LDAH: variants seen among roughly 807,000 people sequenced by gnomAD.
The protein encoded by LDAH is lipid droplet associated hydrolase.
Under a neutral mutation model 29.6 loss-of-function variants are expected in LDAH, and 26 were observed. That is an observed-to-expected ratio of 0.88 (90% CI 0.64 to 1.22). LDAH has a LOEUF of 1.22. Among genes scored for constraint, LDAH ranks in the 50% most tolerant of loss-of-function variants. The pLI, the probability that LDAH is intolerant of heterozygous loss-of-function variation, is 0.00. For missense variants in LDAH, 344 were observed against 387.3 expected, an observed-to-expected ratio of 0.89 and a Z score of 0.94; for synonymous variants, 117 against 133.0, an observed-to-expected ratio of 0.88 and a Z score of 0.83.
intron 3 of LDAH, among the ~76,000 whole-genome samples, chr2:20,782,588 G>GT (rs1459717175): frequency 6.6e-6 from 1 of 152,118 alleles, no homozygotes; most frequent in Non-Finnish European, 1.5e-5. Flanking sequence ...TTGGGAGCTT[G>GT]TATCTTTCAA....
intron 4 of LDAH, among the ~76,000 whole-genome samples, chr2:20,761,570 G>C (rs1481215114): frequency 6.6e-6 from 1 of 152,170 alleles, no homozygotes; most frequent in Non-Finnish European, 1.5e-5. Flanking sequence ...CTTGTACCCA[G>C]AAGGACTTAA....
At chr2:20,819,567 A>G (rs1673099486) in intron 1 of LDAH, among the ~76,000 whole-genome samples, 1 of 152,262 alleles carries the variant, frequency 6.6e-6, no homozygotes, top group African/African-American at 2.4e-5. Flanking sequence ...AAGATTCAAC[A>G]GCTCTTCATG....
chr2:20,733,567 C>T (rs1666565625), intron 5 of LDAH, among the ~76,000 whole-genome samples: 1 of 151,908 alleles, frequency 6.6e-6, no homozygotes, highest in Non-Finnish European at 1.5e-5. Flanking sequence ...CCATGCCCAG[C>T]TAATTTTTGT....
intron 4 of LDAH, among the ~76,000 whole-genome samples, chr2:20,764,821 T>C (rs1336207580): frequency 6.6e-6 from 1 of 152,248 alleles, no homozygotes; most frequent in East Asian, 1.9e-4. Context: ...CCAGCTCTGC[T>C]ACTTTCTACT....
At chr2:20,786,338 C>T (rs1450887669) in intron 3 of LDAH, among the ~76,000 whole-genome samples, 1 of 152,026 alleles carries the variant, frequency 6.6e-6, no homozygotes, top group Non-Finnish European at 1.5e-5. Flanking sequence ...TACAGGCTTG[C>T]ACCACCATGC....
At chr2:20,762,677 T>TA (rs1301366107) in intron 4 of LDAH, among the ~76,000 whole-genome samples, 3 of 152,226 alleles carry the variant, frequency 2.0e-5, no homozygotes, top group Non-Finnish European at 4.4e-5. Context: ...CACTTTTTGA[T>TA]ATATTAGTTC....
intron 6 of LDAH, among the ~76,000 whole-genome samples, chr2:20,696,647 A>G (rs1254603079): frequency 1.3e-5 from 2 of 152,196 alleles, no homozygotes; most frequent in Non-Finnish European, 2.9e-5. Context: ...TCAAGTTTAT[A>G]AACCAAACAT....
intron 1 of LDAH, among the ~76,000 whole-genome samples, chr2:20,802,081 T>C (rs1029773037): frequency 1.3e-5 from 2 of 151,762 alleles, no homozygotes; most frequent in African/African-American, 2.4e-5. Context: ...CATGTATATA[T>C]ATATACATAT....
At chr2:20,767,227 C>G (rs1669103042) in intron 4 of LDAH, among the ~76,000 whole-genome samples, 1 of 152,226 alleles carries the variant, frequency 6.6e-6, no homozygotes, top group African/African-American at 2.4e-5. Context: ...GAGCCAGAAA[C>G]AGGCAGCAGC....
At chr2:20,702,377 T>C (rs1195363888) in intron 5 of LDAH, among the ~76,000 whole-genome samples, 2 of 152,346 alleles carry the variant, frequency 1.3e-5, no homozygotes, top group Middle Eastern at 3.4e-3. Context: ...TTCAATCTTT[T>C]GTCATTTTGT....
chr2:20,690,872 T>C (rs1280938137), intron 6 of LDAH, among the ~76,000 whole-genome samples: 4 of 150,080 alleles, frequency 2.7e-5, no homozygotes, highest in African/African-American at 9.8e-5. Context: ...GCACTTTCTA[T>C]GTATTATCTC....
chr2:20,724,413 C>A (rs972740610), intron 5 of LDAH, among the ~76,000 whole-genome samples: 1 of 152,188 alleles, frequency 6.6e-6, no homozygotes, highest in Non-Finnish European at 1.5e-5. Context: ...CAGTGCTTAT[C>A]TGAACAGTTA....
chr2:20,722,392 A>G lies in LDAH; in HGVS notation c.703+17579T>C, dbSNP rs1212870490. Among the ~76,000 whole-genome samples, 9 of 151,560 alleles carry G rather than the reference A, an allele frequency of 5.9e-5. No homozygotes were observed. The East Asian group carries it at 1.7e-3, about 29-fold the overall frequency. Reference sequence around the variant, plus strand: ...GAAACTGTCTCAAAAAAAAAAAAAAAAAAAAAAAGTGAATCTCACAGGGGT... The same window carrying G: ...GAAACTGTCTCAAAAAAAAAAAAAAGAAAAAAAAGTGAATCTCACAGGGGT... On this transcript the variant is annotated intron_variant, in intron 5 of 6. Transcript: ENST00000237822.
chr2:20,746,576 G>A (rs1229231406), intron 4 of LDAH, among the ~76,000 whole-genome samples: 1 of 151,956 alleles, frequency 6.6e-6, no homozygotes, highest in African/African-American at 2.4e-5. Flanking sequence ...ATTATTACCT[G>A]CTGGGTGACA....
At chr2:20,754,500 C>CG (rs1454032231) in intron 4 of LDAH, among the ~76,000 whole-genome samples, 1 of 77,438 alleles carries the variant, frequency 1.3e-5, no homozygotes. Context: ...ACCCTCGCCA[C>CG]AAAAAAAAAA....
At chr2:20,801,240 C>T (rs954755893) in intron 2 of LDAH, 70 bp downstream of exon 2, 3 of 1,501,644 alleles carry the variant, frequency 2.0e-6, no homozygotes, top group African/African-American at 2.8e-5. Flanking sequence ...ACCAAATTCT[C>T]TATACTTTAA....
At chr2:20,774,314 G>A (rs191742577) in intron 4 of LDAH, among the ~76,000 whole-genome samples, 3 of 152,242 alleles carry the variant, frequency 2.0e-5, no homozygotes, top group Non-Finnish European at 4.4e-5. Context: ...GTCTCAAAAA[G>A]GCTGCCAAGA....
chr2:20,711,309 C>T lies in LDAH; in HGVS notation c.704-9657G>A, dbSNP rs542591217. Among the ~76,000 whole-genome samples, 8 of 151,180 alleles carry T rather than the reference C, an allele frequency of 5.3e-5. No individual in the cohort carries two copies. The East Asian group carries it at 5.8e-4, about 11-fold the overall frequency. ...AGGCTGAGGCAGAATGGTGTGAACC[C>T]GGGAGGTGGAGCTTGAAGTGGGCCG... On this transcript the variant is annotated intron_variant, in intron 5 of 6. Coordinates refer to ENST00000237822, the MANE Select transcript of LDAH (RefSeq NM_021925.4).
At position 20,685,252 on chromosome 2, in the gene LDAH, G is replaced by C. The variant is rs1198126943; in HGVS notation, c.*1651C>G. ...CTGAATGTTACTCTTTATTCTGGTAGGTATGATTTACCCAGTATTGTTTAC... is the reference window on the plus strand; with the variant it reads ...CTGAATGTTACTCTTTATTCTGGTACGTATGATTTACCCAGTATTGTTTAC... On this transcript the variant is annotated 3_prime_UTR_variant, in exon 7 of 7. Transcript: ENST00000237822. 4 of 477,116 alleles carry C rather than the reference G, an allele frequency of 8.4e-6. No homozygotes were observed. Among genetic ancestry groups the C allele is most frequent in the Admixed American group, 3.9e-5 (1 of 25,656 alleles). The allele number at this position is 477,116 out of a possible 1,614,324, so 29.6% of individuals were successfully genotyped here.
Sources: allele counts gnomAD v4.1 joint callset (sites outside exome capture counted in the v4.1 genomes callset), GRCh38; gene constraint gnomAD v4.1.1; transcripts MANE v1.5; gene names NCBI Gene and HGNC (gene_info 2026-07-23, HGNC 2026-07-21).